The following RIMS1 variants were observed in gnomAD, a reference collection of about 807,000 sequenced individuals.
RIMS1 encodes the protein regulating synaptic membrane exocytosis protein 1.
In RIMS1, 83 loss-of-function variants were observed where a neutral mutation model predicts 214.1. That is an observed-to-expected ratio of 0.39 (90% CI 0.32 to 0.47). The LOEUF is 0.47. Ranked by LOEUF, RIMS1 falls within the 20% of genes least tolerant of loss-of-function variation. The pLI, the probability that RIMS1 is intolerant of heterozygous loss-of-function variation, is 0.99. For synonymous variants in RIMS1, 793 were observed against 786.8 expected (o/e 1.01, Z -0.13); for missense variants, 2,050 against 2,161.8 (o/e 0.95, Z 1.03).
intron 2 of RIMS1, among the ~76,000 whole-genome samples, chr6:71,981,939 G>A (rs917824805): frequency 9.3e-6 from 1 of 107,158 alleles, no homozygotes; most frequent in African/African-American, 3.5e-5. Flanking sequence ...GATATAAATT[G>A]CTTTTTTTTT....
At chr6:72,084,147 G>A (rs1834076870) in intron 2 of RIMS1, among the ~76,000 whole-genome samples, 1 of 152,144 alleles carries the variant, frequency 6.6e-6, no homozygotes, top group Admixed American at 6.6e-5. Flanking sequence ...AACACATGGA[G>A]TTTGCTCTTT....
intron 4 of RIMS1, among the ~76,000 whole-genome samples, chr6:72,139,705 T>C (rs1215805372): frequency 1.3e-5 from 2 of 152,136 alleles, no homozygotes; most frequent in Non-Finnish European, 2.9e-5. Context: ...GTTCTTAATA[T>C]ATATAGTTCT....
chr6:72,261,194 C>T (rs1344556354), intron 19 of RIMS1: 2 of 1,014,592 alleles, frequency 2.0e-6, no homozygotes, highest in African/African-American at 3.5e-5. Flanking sequence ...TTTTAATTTC[C>T]TTTTAGAATT....
At chr6:72,292,936 T>C (rs139035328) in intron 26 of RIMS1, among the ~76,000 whole-genome samples, 13 of 152,168 alleles carry the variant, frequency 8.5e-5, no homozygotes, top group African/African-American at 2.9e-4. Context: ...AGCAGTGTTA[T>C]TGTTGCTGAT....
chr6:72,345,910 G>A (rs2097251833), intron 29 of RIMS1, among the ~76,000 whole-genome samples: 1 of 151,690 alleles, frequency 6.6e-6, no homozygotes, highest in African/African-American at 2.4e-5. Flanking sequence ...TGTTGAGCTT[G>A]GGACCATCAT....
intron 1 of RIMS1, among the ~76,000 whole-genome samples, chr6:71,891,565 T>C (rs1419022): frequency 0.086 from 13,025 of 152,214 alleles, 642 homozygotes; most frequent in East Asian, 0.19. Flanking sequence ...AGATCCCAGT[T>C]ACCAACTGGG....
At chr6:72,243,249 G>C (rs771416369) in intron 10 of RIMS1, among the ~76,000 whole-genome samples, 1 of 151,536 alleles carries the variant, frequency 6.6e-6, no homozygotes, top group Non-Finnish European at 1.5e-5. Flanking sequence ...TTGAAAAAAT[G>C]CTAACCTTTA....
intron 22 of RIMS1, among the ~76,000 whole-genome samples, chr6:72,271,162 A>G (rs2082887124): frequency 6.6e-6 from 1 of 151,148 alleles, no homozygotes; most frequent in Non-Finnish European, 1.5e-5. Flanking sequence ...GCTACTAGGG[A>G]GGCTGAGGCA....
intron 2 of RIMS1, among the ~76,000 whole-genome samples, chr6:72,026,562 A>G (rs1347849401): frequency 6.7e-6 from 1 of 149,658 alleles, no homozygotes; most frequent in Admixed American, 6.8e-5. Flanking sequence ...CTCACAAATT[A>G]TGTAAAATAA....
intron 28 of RIMS1, among the ~76,000 whole-genome samples, chr6:72,324,958 T>C (rs1252538076): frequency 6.6e-6 from 1 of 151,712 alleles, no homozygotes; most frequent in African/African-American, 2.4e-5. Flanking sequence ...TTCTGAAAAG[T>C]ACAACTTACT....
intron 4 of RIMS1, among the ~76,000 whole-genome samples, chr6:72,136,282 T>C (rs1434441838): frequency 6.6e-6 from 1 of 151,874 alleles, no homozygotes; most frequent in African/African-American, 2.4e-5. Context: ...ATCGAGAACA[T>C]AAATACAAAA....
intron 1 of RIMS1, among the ~76,000 whole-genome samples, chr6:71,954,683 T>C (rs1790641162): frequency 6.6e-6 from 1 of 151,518 alleles, no homozygotes; most frequent in South Asian, 2.1e-4. Context: ...TTTTAGTCTA[T>C]TAGTAATTTT....
intron 1 of RIMS1, among the ~76,000 whole-genome samples, chr6:71,938,301 G>A (rs992118851): frequency 1.3e-5 from 2 of 152,246 alleles, no homozygotes; most frequent in African/African-American, 4.8e-5. Context: ...CTCTGAGGTG[G>A]CCTTGCTTTC....
intron 28 of RIMS1, among the ~76,000 whole-genome samples, chr6:72,320,517 G>T (rs1411560737): frequency 6.6e-6 from 1 of 151,994 alleles, no homozygotes; most frequent in South Asian, 2.1e-4. Flanking sequence ...TACTTCTCTA[G>T]TTATTACCTG....
intron 6 of RIMS1, among the ~76,000 whole-genome samples, chr6:72,221,055 A>G (rs531710899): frequency 2.1e-4 from 32 of 152,172 alleles, no homozygotes; most frequent in African/African-American, 7.5e-4. Context: ...GGTTTGTAAC[A>G]AGAATAGTCT....
rs540674565 is a variant in RIMS1 at position 71,933,117 on chromosome 6, G to T, written c.165-35866G>T. Reference sequence around the variant, plus strand: ...GATATGTATAAAGAATGGGAGAGTGGGGAGTAAGGTGGAAGATAAAGAGAA... The same window carrying T: ...GATATGTATAAAGAATGGGAGAGTGTGGAGTAAGGTGGAAGATAAAGAGAA... On this transcript the variant is annotated intron_variant, in intron 1 of 33. Coordinates refer to ENST00000521978, the MANE Select transcript of RIMS1 (RefSeq NM_014989.7). 1.6e-4 allele frequency among the ~76,000 whole-genome samples: 25 copies of T among 152,204 alleles called. No homozygotes were observed. The South Asian group carries it at 5.0e-3, about 30-fold the overall frequency.
chr6:72,128,248 G>C lies in RIMS1; in HGVS notation c.471+28262G>C, dbSNP rs972720377. ...AAAAGTCTTATTTAACCTTAAAAAA[G>C]ATGTACATACATTTCAAAGGACAGA... On this transcript the variant is annotated intron_variant, in intron 4 of 33. Transcript: ENST00000521978. 1.5e-4 allele frequency among the ~76,000 whole-genome samples: 23 copies of C among 152,012 alleles called. 1 individual carries two copies. The highest frequency in any genetic ancestry group is 1.5e-5 in the Non-Finnish European group (1 of 67,986).
chr6:72,179,714 T>C lies in RIMS1; in HGVS notation c.611T>C (p.Val204Ala). 1.2e-6 allele frequency: 2 copies of C among 1,613,664 alleles called. No individual in the cohort carries two copies. The highest frequency in any genetic ancestry group is 8.5e-7 in the Non-Finnish European group (1 of 1,179,834). The change falls in exon 5 of 34, where the codon GTA becomes GCA. Residue 204 changes from valine (V) to alanine (A), a missense_variant. Val to Ala is a moderately conservative substitution (Grantham distance 64). Transcript: ENST00000521978. ...ACAGCTACAGGTGCTGGCTCTGAGG[T>C]ACCAAGAGAAAAGAAAGCACGACTC... ...SDTATGAGSE[V>A]PREKKARLQE... is the part of the protein sequence containing the mutation.
intron 29 of RIMS1, among the ~76,000 whole-genome samples, chr6:72,372,028 T>A (rs1314457455): frequency 1.3e-5 from 2 of 152,176 alleles, no homozygotes; most frequent in African/African-American, 4.8e-5. Context: ...ATGTGGAGTA[T>A]TAGAATAAAG....
Sources: allele counts gnomAD v4.1 joint callset (sites outside exome capture counted in the v4.1 genomes callset), GRCh38; gene constraint gnomAD v4.1.1; transcripts MANE v1.5; gene names NCBI Gene and HGNC (gene_info 2026-07-23, HGNC 2026-07-21).